The following DNAJB14 variants were observed in gnomAD, a reference collection of about 807,000 sequenced individuals.
DNAJB14 encodes the protein dnaJ homolog subfamily B member 14.
Under a neutral mutation model 48.4 loss-of-function variants are expected in DNAJB14, and 22 were observed. That is an observed-to-expected ratio of 0.45 (90% CI 0.32 to 0.65). The LOEUF (loss-of-function observed/expected upper bound fraction) is 0.65. Among genes scored for constraint, DNAJB14 ranks in the 30% least tolerant of loss-of-function variants. DNAJB14 has a pLI of 0.03. For missense variants in DNAJB14, 319 were observed against 458.8 expected (o/e 0.70, Z 2.78); for synonymous variants, 142 against 158.7 (o/e 0.89, Z 0.79).
chr4:99,924,653 CA>C (rs1276253563), intron 2 of DNAJB14: 6 of 1,454,700 alleles, frequency 4.1e-6, no homozygotes, highest in Non-Finnish European at 4.7e-6. Context: ...TATCTGTAAA[CA>C]AAAAAAGAGA....
chr4:99,917,939 G>C (rs1472398567), intron 3 of DNAJB14, among the ~76,000 whole-genome samples: 1 of 152,110 alleles, frequency 6.6e-6, no homozygotes, highest in Admixed American at 6.5e-5. Context: ...TGACAACGAT[G>C]TGTCTTGGTG....
intron 2 of DNAJB14, chr4:99,924,584 G>A (rs1481493683): frequency 3.2e-6 from 2 of 627,640 alleles, no homozygotes; most frequent in East Asian, 6.7e-5. Context: ...CCTTTATTTA[G>A]TCAATAATAT....
At chr4:99,919,541 G>A (rs896746234) in intron 3 of DNAJB14, among the ~76,000 whole-genome samples, 6 of 151,978 alleles carry the variant, frequency 3.9e-5, no homozygotes, top group African/African-American at 1.2e-4. Flanking sequence ...CTGAGACTGC[G>A]CCACTGCATT....
At chr4:99,901,295 C>A in intron 7 of DNAJB14, 143 bp from the exon 8 acceptor site, 1 of 751,254 alleles carries the variant, frequency 1.3e-6, no homozygotes, top group Non-Finnish European at 2.0e-6. Context: ...TCCTAAAAGC[C>A]ATTTTAGTAG....
chr4:99,919,462 G>A (rs1725973198), intron 3 of DNAJB14, among the ~76,000 whole-genome samples: 1 of 152,064 alleles, frequency 6.6e-6, no homozygotes. Flanking sequence ...GCAGGCGCCT[G>A]TAATCCCAGC....
In DNAJB14 at chr4:99,898,950, T is replaced by C. The variant is rs1313250800; in HGVS notation, c.*2078A>G. 1 of 151,930 alleles carries C rather than the reference T, an allele frequency of 6.6e-6. No individual in the cohort carries two copies. The highest frequency in any genetic ancestry group is 2.4e-5 in the African/African-American group (1 of 41,434). The allele number at this position is 151,930 out of a possible 1,614,324, so 9.4% of individuals were successfully genotyped here. A position where few individuals can be genotyped will look rare whatever the true frequency, so the allele number is the denominator to read the frequency against. On this transcript the variant is annotated 3_prime_UTR_variant, in exon 8 of 8. Transcript: ENST00000442697. Reference sequence around the variant, plus strand: ...TTGCATACTTCATATGTGGCTTAAATTGTCAGGCACTCAGTCTGTCATTTC... The same window carrying C: ...TTGCATACTTCATATGTGGCTTAAACTGTCAGGCACTCAGTCTGTCATTTC...
At chr4:99,923,901 T>C (rs762259276) in intron 2 of DNAJB14, 128 of 984,226 alleles carry the variant, frequency 1.3e-4, no homozygotes, top group Non-Finnish European at 1.4e-4. Flanking sequence ...CATCTCATGA[T>C]AAAATATAAC....
In DNAJB14 at chr4:99,946,546, T is replaced by A. The variant is rs1346052559; in HGVS notation, c.26A>T (p.Glu9Val). Residue 9 changes from glutamate to valine, a missense_variant, in exon 1 of 8, where the codon GAG (glutamate) becomes GTG (valine). Coordinates refer to ENST00000442697, the MANE Select transcript of DNAJB14 (RefSeq NM_001031723.4). Reference sequence around the variant, plus strand: ...CTCCCGGGCGATCTCGACACATTTCTCAGCCTCATCCCTGTTCCCCTCCAT... The same window carrying A: ...CTCCCGGGCGATCTCGACACATTTCACAGCCTCATCCCTGTTCCCCTCCAT... MEGNRDEAEKCVEIAREAL... is the reference protein window; with the variant it reads MEGNRDEAVKCVEIAREAL... 1 of 1,613,822 alleles carries A rather than the reference T, an allele frequency of 6.2e-7. No homozygotes were observed. Among genetic ancestry groups the A allele is most frequent in the Non-Finnish European group, 8.5e-7 (1 of 1,179,782 alleles).
chr4:99,934,789 C>CA (rs1167945149), intron 1 of DNAJB14, among the ~76,000 whole-genome samples: 519 of 6,764 alleles, frequency 0.077, 176 homozygotes, highest in Non-Finnish European at 0.096. Flanking sequence ...AAGACTGTCT[C>CA]AAAAAAAAAA....
chr4:99,926,875 TAC>T (rs1305726449), intron 2 of DNAJB14: 1 of 152,162 alleles, frequency 6.6e-6, no homozygotes, highest in Non-Finnish European at 1.5e-5. Context: ...AGCCAGAAGT[TAC>T]AGTCATCATC....
chr4:99,937,278 T>C (rs1439291837), intron 1 of DNAJB14, among the ~76,000 whole-genome samples: 4 of 151,574 alleles, frequency 2.6e-5, no homozygotes, highest in Non-Finnish European at 5.9e-5. Flanking sequence ...GATCGCGCCA[T>C]ACACTCCAGC....
chr4:99,915,809 A>G (rs1343432510), intron 3 of DNAJB14, among the ~76,000 whole-genome samples: 2 of 152,186 alleles, frequency 1.3e-5, no homozygotes, highest in Admixed American at 6.5e-5. Context: ...TGTTCTATCA[A>G]TTATTGAGAG....
rs763669984 is a variant in DNAJB14, at chr4:99,930,570, T to A, written c.185A>T (p.His62Leu). 4 of 1,612,438 alleles carry A rather than the reference T, an allele frequency of 2.5e-6. No individual in the cohort carries two copies. In the African/African-American group the frequency reaches 5.3e-5, roughly 22 times the overall value. ...KNGSTAGNSP[H>L]CRKPSGSGDQ... ...GCCACTACCTGATGGTTTTCGGCAA[T>A]GAGGGCTATTTCCAGCCGTGCTTCC... is the stretch of plus-strand genomic sequence containing the variant. Residue 62 changes from histidine (H) to leucine (L), a missense_variant, in exon 2 of 8, where the codon CAT becomes CTT. By Grantham distance (99) the His-to-Leu change is moderately conservative. This residue lies in a region of DNAJB14 where 116 missense variants were observed against 134.6 expected (regional missense o/e 0.86). Coordinates refer to ENST00000442697, the MANE Select transcript of DNAJB14 (RefSeq NM_001031723.4).
At chr4:99,928,436 G>A in intron 2 of DNAJB14, 1 of 252,580 alleles carries the variant, frequency 4.0e-6, no homozygotes, top group Non-Finnish European at 8.5e-6. Flanking sequence ...TTCTCAAGGT[G>A]TCTCCTTGCC....
intron 3 of DNAJB14, among the ~76,000 whole-genome samples, chr4:99,916,227 C>A (rs756800331): frequency 2.8e-4 from 42 of 152,244 alleles, no homozygotes; most frequent in Non-Finnish European, 5.3e-4. Context: ...CAGCCTCAAC[C>A]CCCCAGGCTC....
chr4:99,912,306 A>G (rs1356058214), intron 3 of DNAJB14, among the ~76,000 whole-genome samples: 2 of 152,228 alleles, frequency 1.3e-5, no homozygotes, highest in African/African-American at 4.8e-5. Context: ...GAAATCAGGA[A>G]CACTGATTAC....
chr4:99,942,855 G>A (rs548875684), intron 1 of DNAJB14, among the ~76,000 whole-genome samples: 1 of 152,152 alleles, frequency 6.6e-6, no homozygotes, highest in Admixed American at 6.5e-5. Context: ...GCCTCTCTTA[G>A]TTTAAGCATA....
At chr4:99,921,148 C>T (rs1037528191) in intron 3 of DNAJB14, among the ~76,000 whole-genome samples, 3 of 152,154 alleles carry the variant, frequency 2.0e-5, no homozygotes, top group Non-Finnish European at 4.4e-5. Context: ...AGTTTCCACT[C>T]AGTGAAAAAT....
chr4:99,922,930 G>A (rs1008537645), intron 3 of DNAJB14, 110 bp downstream of exon 3: 1 of 1,198,572 alleles, frequency 8.3e-7, no homozygotes, highest in South Asian at 1.8e-5. Flanking sequence ...ACTCTTGCTT[G>A]TGCTGGTCTC....
Sources: gnomAD v4.1 joint callset for allele counts (sites outside exome capture counted in the v4.1 genomes callset) on GRCh38, gnomAD v4.1.1 for gene constraint, gnomAD v4.1.1 regional missense constraint, MANE v1.5 for transcripts, NCBI Gene and HGNC (gene_info 2026-07-23, HGNC 2026-07-21) for gene names.